LMBR1L: variants seen among roughly 807,000 people sequenced by gnomAD.
LMBR1L encodes protein LMBR1L.
LMBR1L carries 47 observed loss-of-function variants against 67.3 expected under a neutral mutation model. The observed-to-expected ratio is 0.70, with a 90% CI of 0.55 to 0.89. The LOEUF (loss-of-function observed/expected upper bound fraction) is 0.89, where lower values mean the gene tolerates loss of function less well. Among genes scored for constraint, LMBR1L ranks in the 40% least tolerant of loss-of-function variants. The pLI, the probability that LMBR1L is intolerant of heterozygous loss-of-function variation, is 0.00. For missense variants in LMBR1L, 533 were observed against 599.2 expected, an observed-to-expected ratio of 0.89 and a Z score of 1.15; for synonymous variants, 247 against 250.3, an observed-to-expected ratio of 0.99 and a Z score of 0.13.
At chr12:49,105,990 G>A in intron 2 of LMBR1L, 33 bp from the exon 3 acceptor site, 1 of 1,604,366 alleles carries the variant, frequency 6.2e-7, no homozygotes, top group East Asian at 2.2e-5. Flanking sequence ...GAACAGGCAG[G>A]AGGACATCAG....
rs1592216574 is a variant in LMBR1L at position 49,104,521 on chromosome 12, T to C, written c.362A>G (p.Asn121Ser). Residue 121 changes from asparagine (N) to serine (S), a missense_variant, in exon 5 of 17, where the codon AAC becomes AGC. Transcript: ENST00000267102. ...GGGCATGAGGAAGATGAGGGACAGG[T>C]TGGAGAAGAGAAAAACAAGGTTCCA... ...GLWNLVFLFS[N>S]LSLIFLMPFA... 7.4e-6 allele frequency: 12 copies of C among 1,613,702 alleles called. No individual in the cohort carries two copies. The East Asian group carries it at 2.2e-4, about 30-fold the overall frequency.
In LMBR1L at chr12:49,097,561, C is replaced by T; in HGVS notation, c.*111G>A. 9.0e-7 allele frequency: 1 copy of T among 1,111,162 alleles called. No individual in the cohort carries two copies. Among genetic ancestry groups the T allele is most frequent in the Non-Finnish European group, 1.4e-6 (1 of 738,114 alleles). 68.8% of individuals were successfully genotyped at this position (1,111,162 alleles called of 1,614,324 possible). A position where few individuals can be genotyped will look rare whatever the true frequency, so the allele number is the denominator to read the frequency against. On this transcript the variant is annotated 3_prime_UTR_variant, in exon 17 of 17. Coordinates refer to ENST00000267102, the MANE Select transcript of LMBR1L (RefSeq NM_018113.4). ...CAGATGGCTCTGCTCCCCTCTGCCA[C>T]CCACCCTCTCAGATTCCAGGTCCTG...
chr12:49,100,896 T>G (rs555363171), intron 13 of LMBR1L: 1 of 546,978 alleles, frequency 1.8e-6, no homozygotes, highest in African/African-American at 1.9e-5. Flanking sequence ...TCTGGCTAAT[T>G]TTTTGTACTT....
At chr12:49,104,399 C>T (rs190594691) in intron 5 of LMBR1L, 49 bp downstream of exon 5, 18 of 1,290,040 alleles carry the variant, frequency 1.4e-5, no homozygotes, top group African/African-American at 2.9e-5. Flanking sequence ...TCAGCTGAAC[C>T]ATGTGTGTGG....
chr12:49,108,561 CAAAAAAAAAAAAAA>C (rs35533408), intron 1 of LMBR1L, among the ~76,000 whole-genome samples: 135 of 47,578 alleles, frequency 2.8e-3, no homozygotes, highest in Non-Finnish European at 4.2e-3. Flanking sequence ...GACTGAGTCT[CAAAAAAAAAAAAAA>C]AAAAAAAAAA....
In LMBR1L at chr12:49,109,135, G is replaced by T. The variant is rs932838571; in HGVS notation, c.72+1349C>A. 3.3e-5 allele frequency among the ~76,000 whole-genome samples: 5 copies of T among 152,170 alleles called. No individual in the cohort carries two copies. In the East Asian group the frequency reaches 7.7e-4, roughly 23 times the overall value. ...TCTAGCCTCTAGATGAGAGCCAGGT[G>T]GGGGAGGCACCATAAGTCTTCAGGC... On this transcript the variant is annotated intron_variant, in intron 1 of 16. Coordinates refer to ENST00000267102, the MANE Select transcript of LMBR1L (RefSeq NM_018113.4).
chr12:49,097,921 C>T lies in LMBR1L; in HGVS notation c.1402+23G>A, dbSNP rs111446209. ...CTAGATGATTACCACCCCCCACTAG[C>T]CTGCACCCTCACTCCCTCTCACCAA... On this transcript the variant is annotated intron_variant, in intron 16 of 16. Coordinates refer to ENST00000267102, the MANE Select transcript of LMBR1L (RefSeq NM_018113.4). The T allele has an allele frequency of 3.4e-4, 542 of 1,604,010 alleles. 1 individual carries two copies. The African/African-American group carries it at 6.4e-3, about 19-fold the overall frequency.
chr12:49,098,853 G>A (rs1225305293), intron 15 of LMBR1L, among the ~76,000 whole-genome samples: 1 of 152,156 alleles, frequency 6.6e-6, no homozygotes, highest in Non-Finnish European at 1.5e-5. Context: ...GTCTTGCTCT[G>A]TTGCCCAGGT....
chr12:49,103,450 T>C (rs1320257846), intron 6 of LMBR1L, among the ~76,000 whole-genome samples: 1 of 152,218 alleles, frequency 6.6e-6, no homozygotes, highest in Non-Finnish European at 1.5e-5. Context: ...GATATTAATG[T>C]GAAACCTCCC....
Position 49,097,565 on chromosome 12 carries a change from C to A in LMBR1L, c.*107G>T, listed in dbSNP as rs1268503746. On this transcript the variant is annotated 3_prime_UTR_variant, in exon 17 of 17. Transcript: ENST00000267102. ...TGGCTCTGCTCCCCTCTGCCACCCA[C>A]CCTCTCAGATTCCAGGTCCTGAGGT... The A allele has an allele frequency of 1.6e-5, 18 of 1,140,024 alleles. No homozygotes were observed. The highest frequency in any genetic ancestry group is 3.0e-5 in the African/African-American group (2 of 65,642). The allele number at this position is 1,140,024 out of a possible 1,614,324, so 70.6% of individuals were successfully genotyped here.
chr12:49,102,547 G>T lies in LMBR1L; in HGVS notation c.697-7C>A. On this transcript the variant is annotated splice_region_variant and splice_polypyrimidine_tract_variant and intron_variant, in intron 8 of 16. Coordinates refer to ENST00000267102, the MANE Select transcript of LMBR1L (RefSeq NM_018113.4). ...CCTCCAGGTCTTCCAGCAGCTAGGG[G>T]CAGGGGAAAGGAAGAGACTAACTGT... The T allele has an allele frequency of 6.2e-7, 1 of 1,613,780 alleles. No homozygotes were observed. The highest frequency in any genetic ancestry group is 8.5e-7 in the Non-Finnish European group (1 of 1,179,828).
rs779526274 is a variant in LMBR1L at position 49,104,488 on chromosome 12, T to C, written c.395A>G (p.Tyr132Cys). 2.2e-5 allele frequency: 35 copies of C among 1,613,736 alleles called. No individual in the cohort carries two copies. Among genetic ancestry groups the C allele is most frequent in the Admixed American group, 1.2e-4 (7 of 59,994 alleles). ...AAAGCCCTCAGACTCAGTGAAGAAA[T>C]ATGCAAAGGGCATGAGGAAGATGAG... ...LSLIFLMPFA[Y>C]FFTESEGFAG... Residue 132 changes from tyrosine to cysteine, a missense_variant, in exon 5 of 17, where the codon TAT becomes TGT. This residue lies in a region of LMBR1L where 246 missense variants were observed against 249.0 expected (regional missense o/e 0.99). Transcript: ENST00000267102.
intron 2 of LMBR1L, chr12:49,106,431 G>C: frequency 2.0e-6 from 1 of 489,000 alleles, no homozygotes; most frequent in South Asian, 1.7e-5. Flanking sequence ...AGGAAAGGCT[G>C]GAGCTAGGAA....
Position 49,110,467 on chromosome 12 carries a change from C to T in LMBR1L, c.72+17G>A. ...TCCCGCAACCCCCGCTTCTCCTCGC[C>T]GGGGCCCCGCACTCACAATACACTC... On this transcript the variant is annotated intron_variant, in intron 1 of 16. Coordinates refer to ENST00000267102, the MANE Select transcript of LMBR1L (RefSeq NM_018113.4). The T allele has an allele frequency of 1.9e-6, 3 of 1,613,164 alleles. No homozygotes were observed. The highest frequency in any genetic ancestry group is 1.1e-5 in the South Asian group (1 of 91,052).
chr12:49,098,117 A>G lies in LMBR1L; in HGVS notation c.1241-12T>C. On this transcript the variant is annotated splice_polypyrimidine_tract_variant and intron_variant, in intron 15 of 16. Transcript: ENST00000267102. ...AAAGCGAGTGAGCCCTGAAGCACAA[A>G]GGCCAGGATGAGAGGTGGGCTCCCC... 2 of 1,608,620 alleles carry G rather than the reference A, an allele frequency of 1.2e-6. No homozygotes were observed. The highest frequency in any genetic ancestry group is 1.7e-6 in the Non-Finnish European group (2 of 1,175,728).
rs529033705 is a variant in LMBR1L, at chr12:49,102,150, G to C, written c.900C>G (p.Pro300=). ...ASAWQRNLGY[P]LAMLCLLVLT... ...GCACCAGCAAGCACAGCATAGCCAG[G>C]GGGTAGCCCAGGTTCCGTTGCCAGG... The change falls in exon 11 of 17, where the codon CCC becomes CCG. Residue 300 remains proline (P), a synonymous_variant. Coordinates refer to ENST00000267102, the MANE Select transcript of LMBR1L (RefSeq NM_018113.4). 7.4e-6 allele frequency: 12 copies of C among 1,614,048 alleles called. No homozygotes were observed. The highest frequency in any genetic ancestry group is 2.7e-5 in the African/African-American group (2 of 74,928).
chr12:49,104,524 G>A lies in LMBR1L; in HGVS notation c.359C>T (p.Ser120Phe), dbSNP rs780700939. ...CATGAGGAAGATGAGGGACAGGTTG[G>A]AGAAGAGAAAAACAAGGTTCCAGAG... The part of the protein sequence containing the change: ...HGLWNLVFLF[S>F]NLSLIFLMPF... The change falls in exon 5 of 17, where the codon TCC becomes TTC. Residue 120 changes from serine (S) to phenylalanine (F), a missense_variant. Ser to Phe is a radical substitution (Grantham distance 155, BLOSUM62 -2). This residue lies in a region of LMBR1L where 246 missense variants were observed against 249.0 expected (regional missense o/e 0.99). Transcript: ENST00000267102. 7.4e-6 allele frequency: 12 copies of A among 1,614,106 alleles called. No homozygotes were observed. Among genetic ancestry groups the A allele is most frequent in the Non-Finnish European group, 1.0e-5 (12 of 1,179,980 alleles).
At chr12:49,104,234 T>A in intron 5 of LMBR1L, 1 of 571,458 alleles carries the variant, frequency 1.7e-6, no homozygotes, top group African/African-American at 1.9e-5. Context: ...TCTGGGCAGC[T>A]TCACATCCCT....
At chr12:49,101,868 G>C in intron 11 of LMBR1L, 1 of 583,504 alleles carries the variant, frequency 1.7e-6, no homozygotes, top group South Asian at 2.1e-5. Context: ...TTAATGCCAG[G>C]GCAAACCTGC....
Sources: allele counts gnomAD v4.1 joint callset (sites outside exome capture counted in the v4.1 genomes callset), GRCh38; gene constraint gnomAD v4.1.1; regional missense constraint gnomAD v4.1.1; transcripts MANE v1.5; gene names NCBI Gene and HGNC (gene_info 2026-07-23, HGNC 2026-07-21).